The following PLEKHH2 variants were observed in gnomAD, a reference collection of about 807,000 sequenced individuals.
The protein encoded by PLEKHH2 is pleckstrin homology domain-containing family H member 2.
PLEKHH2 carries 129 observed loss-of-function variants against 187.9 expected under a neutral mutation model. The ratio of observed to expected loss-of-function variants is 0.69; its 90% confidence interval spans 0.59 to 0.79. PLEKHH2 has a LOEUF of 0.79. PLEKHH2 is among the 30% of genes least tolerant of loss of function. The probability of loss-of-function intolerance (pLI) is 0.00; values close to 1 mark genes in which losing one functional copy is unlikely to be tolerated. For missense variants in PLEKHH2, 2,076 were observed against 1,751.2 expected (o/e 1.19, Z -3.31); for synonymous variants, 686 against 605.6 (o/e 1.13, Z -1.95).
At chr2:43,743,058 A>T (rs1445533491) in intron 22 of PLEKHH2, 140 bp downstream of exon 22, 2 of 619,060 alleles carry the variant, frequency 3.2e-6, no homozygotes, top group Non-Finnish European at 4.9e-6. Context: ...CTATCAGAAC[A>T]GCTGAGTTTT....
chr2:43,702,632 G>T (rs920836587), intron 8 of PLEKHH2, among the ~76,000 whole-genome samples: 1 of 148,424 alleles, frequency 6.7e-6, no homozygotes, highest in Non-Finnish European at 1.5e-5. Flanking sequence ...CAGCAGACTG[G>T]CCAAGTCTGA....
At position 43,704,003 on chromosome 2, in the gene PLEKHH2, C is replaced by G. The variant is rs377064771; in HGVS notation, c.1673C>G (p.Ala558Gly). The G allele has an allele frequency of 1.1e-5, 17 of 1,579,332 alleles. No individual in the cohort carries two copies. The highest frequency in any genetic ancestry group is 1.4e-5 in the Non-Finnish European group (16 of 1,162,480). ...PSWESRIYAV[A>G]KSGIRMSEAF... The stretch of plus-strand genomic sequence containing the variant: ...TAGGAAAGCAGAATTTATGCTGTAG[C>G]CAAATCAGGTATTCGAATGTCTGAG... The change falls in exon 9 of 30, where the codon GCC (alanine) becomes GGC (glycine). Residue 558 changes from alanine (A) to glycine (G), a missense_variant. By Grantham distance (60) the Ala-to-Gly change is moderately conservative. Transcript: ENST00000282406.
chr2:43,756,670 G>A (rs76986705), intron 25 of PLEKHH2, among the ~76,000 whole-genome samples: 7,595 of 152,166 alleles, frequency 0.05, 274 homozygotes, highest in Middle Eastern at 0.13. Context: ...CAAGCCAGGC[G>A]GTGGCTCTGG....
chr2:43,764,431 C>G (rs1672548401), intron 29 of PLEKHH2, 66 bp downstream of exon 29: 2 of 1,490,114 alleles, frequency 1.3e-6, no homozygotes, highest in South Asian at 2.4e-5. Flanking sequence ...AGCCAGAAGG[C>G]CAAAAAGCAA....
Position 43,743,830 on chromosome 2 carries a change from C to T in PLEKHH2, c.3400-4C>T. 6.2e-7 allele frequency: 1 copy of T among 1,610,210 alleles called. No homozygotes were observed. Among genetic ancestry groups the T allele is most frequent in the Non-Finnish European group, 8.5e-7 (1 of 1,177,092 alleles). On this transcript the variant is annotated splice_polypyrimidine_tract_variant and splice_region_variant and intron_variant, in intron 22 of 29. Coordinates refer to ENST00000282406, the MANE Select transcript of PLEKHH2 (RefSeq NM_172069.4). ...AAGAGAACTGCTTTGTTATTTCTGT[C>T]TAGGTAGTTGGTTTTGACGCATCTA...
intron 16 of PLEKHH2, among the ~76,000 whole-genome samples, chr2:43,723,369 CAT>C (rs1670580887): frequency 6.6e-6 from 1 of 152,056 alleles, no homozygotes; most frequent in South Asian, 2.1e-4. Flanking sequence ...GACTCCAAGA[CAT>C]AAAGGTGAAC....
chr2:43,674,189 T>C (rs762032707), intron 2 of PLEKHH2, among the ~76,000 whole-genome samples: 16 of 152,178 alleles, frequency 1.1e-4, no homozygotes, highest in Non-Finnish European at 2.2e-4. Context: ...ACTATACATT[T>C]GAGGAGAAAT....
chr2:43,699,684 T>G lies in PLEKHH2; in HGVS notation c.726T>G (p.Val242=). Residue 242 remains valine, a synonymous_variant, in exon 8 of 30, where the codon GTT becomes GTG. Coordinates refer to ENST00000282406, the MANE Select transcript of PLEKHH2 (RefSeq NM_172069.4). ...EIPEKSVDNQ[V]LENNRGQRTL... ...CAGAAAAGTCTGTTGATAACCAAGTTCTAGAAAACAACAGAGGCCAGAGAA... is the reference window on the plus strand; with the variant it reads ...CAGAAAAGTCTGTTGATAACCAAGTGCTAGAAAACAACAGAGGCCAGAGAA... 5 of 1,613,644 alleles carry G rather than the reference T, an allele frequency of 3.1e-6. No individual in the cohort carries two copies. Among genetic ancestry groups the G allele is most frequent in the Non-Finnish European group, 4.2e-6 (5 of 1,179,784 alleles).
chr2:43,704,167 C>A, intron 9 of PLEKHH2, 111 bp downstream of exon 9: 2 of 720,040 alleles, frequency 2.8e-6, no homozygotes, highest in Non-Finnish European at 4.4e-6. Context: ...CTGTATGATT[C>A]CACCTAAAGG....
chr2:43,738,539 A>G lies in PLEKHH2; in HGVS notation c.3123+19A>G. On this transcript the variant is annotated intron_variant, in intron 20 of 29. Coordinates refer to ENST00000282406, the MANE Select transcript of PLEKHH2 (RefSeq NM_172069.4). ...ATTGCAGGTAGATATTAATATTGAT[A>G]CATATACATGCAATTTAAAGTGTTT... 1 of 1,575,036 alleles carries G rather than the reference A, an allele frequency of 6.3e-7. No homozygotes were observed. Among genetic ancestry groups the G allele is most frequent in the South Asian group, 1.2e-5 (1 of 86,854 alleles).
chr2:43,701,730 A>G (rs905448107), intron 8 of PLEKHH2, among the ~76,000 whole-genome samples: 40 of 151,564 alleles, frequency 2.6e-4, no homozygotes, highest in African/African-American at 9.7e-4. Context: ...AATTCTTCCA[A>G]TATTTGAAAT....
intron 15 of PLEKHH2, 40 bp downstream of exon 15, chr2:43,712,423 T>C (rs746793467): frequency 1.3e-6 from 2 of 1,591,856 alleles, no homozygotes; most frequent in Non-Finnish European, 1.7e-6. Flanking sequence ...CAGGCAGCTA[T>C]GGGCATGAGC....
rs114455853 is a variant in PLEKHH2 at position 43,703,591 on chromosome 2, C to A, written c.1651-390C>A. 5.3e-3 allele frequency among the ~76,000 whole-genome samples: 804 copies of A among 152,282 alleles called. 4 individuals are homozygous for A. The highest frequency in any genetic ancestry group is 8.5e-3 in the South Asian group (41 of 4,828). ...ATCAATGATTGAGAATGGTTTCTAG[C>A]TTAATGTTATAGCCACTCATGGTTT... On this transcript the variant is annotated intron_variant, in intron 8 of 29. Transcript: ENST00000282406.
chr2:43,639,380 C>CTAGA (rs1441198619), intron 1 of PLEKHH2, among the ~76,000 whole-genome samples: 28 of 152,140 alleles, frequency 1.8e-4, no homozygotes, highest in African/African-American at 6.3e-4. Flanking sequence ...AGAATATTTT[C>CTAGA]ATCACCCCAA....
chr2:43,696,863 T>C (rs1169300568), intron 6 of PLEKHH2, among the ~76,000 whole-genome samples: 1 of 152,230 alleles, frequency 6.6e-6, no homozygotes, highest in Non-Finnish European at 1.5e-5. Flanking sequence ...GCTAGAGCTC[T>C]CTAGTTATTT....
chr2:43,719,406 G>A (rs1022129853), intron 15 of PLEKHH2, among the ~76,000 whole-genome samples: 3 of 152,024 alleles, frequency 2.0e-5, no homozygotes, highest in Non-Finnish European at 2.9e-5. Flanking sequence ...TTTACATTTG[G>A]GAAATTACTA....
chr2:43,688,509 T>C (rs1283377029), intron 3 of PLEKHH2, among the ~76,000 whole-genome samples: 1 of 152,126 alleles, frequency 6.6e-6, no homozygotes. Flanking sequence ...AGGTTAGAAA[T>C]GGGAAGAAGG....
rs141039987 is a variant in PLEKHH2, at chr2:43,741,008, C to A, written c.3186C>A (p.Leu1062=). 2,019 of 1,613,938 alleles carry A rather than the reference C, an allele frequency of 1.3e-3. 40 individuals carry two copies. The South Asian group carries it at 0.018, about 15-fold the overall frequency. Residue 1062 remains leucine (L), a synonymous_variant, in exon 21 of 30, where the codon CTC becomes CTA. Coordinates refer to ENST00000282406, the MANE Select transcript of PLEKHH2 (RefSeq NM_172069.4). Reference sequence around the variant, plus strand: ...TTCCCCATCATCCTTTCCTGTGGCTCCTCAGGCTTCACCTAAAGAGGAATG... The same window carrying A: ...TTCCCCATCATCCTTTCCTGTGGCTACTCAGGCTTCACCTAAAGAGGAATG... ...LFLPHHPFLW[L]LRLHLKRNAD...
Position 43,656,248 on chromosome 2 carries a change from T to C in PLEKHH2, c.123+11452T>C, listed in dbSNP as rs568525677. 2.0e-5 allele frequency among the ~76,000 whole-genome samples: 3 copies of C among 152,330 alleles called. No homozygotes were observed. The South Asian group carries it at 6.2e-4, about 32-fold the overall frequency. On this transcript the variant is annotated intron_variant, in intron 2 of 29. Coordinates refer to ENST00000282406, the MANE Select transcript of PLEKHH2 (RefSeq NM_172069.4). ...CTGGGATTACAGGCATGAGTCACTG[T>C]GCCCAGCCTATCTTAACAATTTAAA...
Sources: gnomAD v4.1 joint callset for allele counts (sites outside exome capture counted in the v4.1 genomes callset) on GRCh38, gnomAD v4.1.1 for gene constraint, MANE v1.5 for transcripts, NCBI Gene and HGNC (gene_info 2026-07-23, HGNC 2026-07-21) for gene names.